COLEC12: variants seen among roughly 807,000 people sequenced by gnomAD.
The protein encoded by COLEC12 is collectin-12.
In COLEC12, 33 loss-of-function variants were observed where a neutral mutation model predicts 71.1. That is an observed-to-expected ratio of 0.46 (90% confidence interval 0.35 to 0.62). The LOEUF (loss-of-function observed/expected upper bound fraction) is 0.62, where lower values mean the gene tolerates loss of function less well. Ranked by LOEUF, COLEC12 falls within the 20% of genes least tolerant of loss-of-function variation. The probability of loss-of-function intolerance (pLI) is 0.00; values close to 1 mark genes in which losing one functional copy is unlikely to be tolerated. For missense variants in COLEC12, 765 were observed against 916.1 expected, an observed-to-expected ratio of 0.84 and a Z score of 2.13; for synonymous variants, 350 against 353.0, an observed-to-expected ratio of 0.99 and a Z score of 0.10.
Position 347,137 on chromosome 18 carries a change from AAAG to A in COLEC12, c.482_484del (p.Ser161del). 2 of 1,614,196 alleles carry A rather than the reference AAAG, an allele frequency of 1.2e-6. No homozygotes were observed. The highest frequency in any genetic ancestry group is 1.7e-6 in the Non-Finnish European group (2 of 1,180,040). On this transcript the variant is annotated inframe_deletion, in exon 5 of 10. Transcript: ENST00000400256. ...GGTTTTGTTTACAGTGGTGATGAGG[AAAG>A]AGTTATTCTCCAAAGTTTCTTTCAA...
intron 2 of COLEC12, among the ~76,000 whole-genome samples, chr18:367,925 CCAAAA>C (rs200573575): frequency 2.6e-5 from 4 of 151,904 alleles, no homozygotes; most frequent in Non-Finnish European, 4.4e-5. Context: ...GCTGTCTCTA[CCAAAA>C]CAAAACAAAA....
In COLEC12 at chr18:348,117, G is replaced by A. The variant is rs143313397; in HGVS notation, c.228C>T (p.Arg76=). The change falls in exon 4 of 10, where the codon CGC becomes CGT. Residue 76 remains arginine, a synonymous_variant. Transcript: ENST00000400256. The part of the protein sequence containing the change: ...DNVTGGMETS[R]QTYDDKLTAV... ...CTGTGAGCTTGTCATCATAGGTTTGGCGAGATGTTTCCATGCCACCTGTGA... is the reference window on the plus strand; with the variant it reads ...CTGTGAGCTTGTCATCATAGGTTTGACGAGATGTTTCCATGCCACCTGTGA... 2.1e-4 allele frequency: 335 copies of A among 1,613,740 alleles called. No homozygotes were observed. Among genetic ancestry groups the A allele is most frequent in the Non-Finnish European group, 2.7e-4 (319 of 1,179,858 alleles).
chr18:452,452 A>G (rs1040723812), intron 2 of COLEC12, among the ~76,000 whole-genome samples: 8 of 152,228 alleles, frequency 5.3e-5, no homozygotes, highest in African/African-American at 1.7e-4. Flanking sequence ...GTGGCTATAT[A>G]ATGATCGCTG....
Position 417,806 on chromosome 18 carries a change from C to G in COLEC12, c.59-60284G>C, listed in dbSNP as rs146348465. On this transcript the variant is annotated intron_variant, in intron 2 of 9. Coordinates refer to ENST00000400256, the MANE Select transcript of COLEC12 (RefSeq NM_130386.3). Reference sequence around the variant, plus strand: ...AGGAGAAATCGTAACAGTATTAGTTCTCCCTGGAGACGGACAAAATTGGAA... The same window carrying G: ...AGGAGAAATCGTAACAGTATTAGTTGTCCCTGGAGACGGACAAAATTGGAA... 4.7e-3 allele frequency among the ~76,000 whole-genome samples: 721 copies of G among 152,326 alleles called. 2 individuals are homozygous for G. Among genetic ancestry groups the G allele is most frequent in the Non-Finnish European group, 8.0e-3 (543 of 68,024 alleles).
chr18:370,964 T>A (rs1221926004), intron 2 of COLEC12, among the ~76,000 whole-genome samples: 1 of 152,184 alleles, frequency 6.6e-6, no homozygotes, highest in Non-Finnish European at 1.5e-5. Context: ...AAGGATTCAG[T>A]GATTCAGAAA....
At chr18:463,504 G>C (rs1917024214) in intron 2 of COLEC12, among the ~76,000 whole-genome samples, 1 of 152,158 alleles carries the variant, frequency 6.6e-6, no homozygotes, top group Admixed American at 6.5e-5. Context: ...TCAATGCAAT[G>C]AAAGGTGGCA....
rs1048301274 is a variant in COLEC12 at position 347,411 on chromosome 18, G to T, written c.281-70C>A. 3.9e-6 allele frequency: 5 copies of T among 1,298,500 alleles called. No homozygotes were observed. The South Asian group carries it at 6.6e-5, about 17-fold the overall frequency. 80.4% of individuals were successfully genotyped at this position (1,298,500 alleles called of 1,614,324 possible). ...GTGTTCAGGCAAGGCCAAAGATCCC[G>T]AACACACTTAATCGGTATGCACTGT... On this transcript the variant is annotated intron_variant, in intron 4 of 9. Coordinates refer to ENST00000400256, the MANE Select transcript of COLEC12 (RefSeq NM_130386.3).
chr18:423,941 T>C (rs568828272), intron 2 of COLEC12: 1 of 152,282 alleles, frequency 6.6e-6, no homozygotes, highest in East Asian at 1.9e-4. Context: ...ATGCCATCTC[T>C]CTCATCTCTC....
intron 2 of COLEC12, among the ~76,000 whole-genome samples, chr18:376,625 C>T (rs1210410389): frequency 6.6e-6 from 1 of 152,158 alleles, no homozygotes; most frequent in Non-Finnish European, 1.5e-5. Flanking sequence ...GCTTCTCTGT[C>T]CTTGGGGAGC....
chr18:395,470 C>T (rs1369287572), intron 2 of COLEC12, among the ~76,000 whole-genome samples: 3 of 152,148 alleles, frequency 2.0e-5, no homozygotes, highest in African/African-American at 7.2e-5. Context: ...AGCACTGGAC[C>T]TTTTGGAGTT....
At chr18:394,355 C>T (rs1915524055) in intron 2 of COLEC12, among the ~76,000 whole-genome samples, 2 of 152,186 alleles carry the variant, frequency 1.3e-5, no homozygotes, top group African/African-American at 4.8e-5. Flanking sequence ...TTTCTAACCC[C>T]AGAGGGGGCT....
At chr18:334,677 G>C in intron 6 of COLEC12, 65 bp downstream of exon 6, 1 of 1,357,826 alleles carries the variant, frequency 7.4e-7, no homozygotes, top group Non-Finnish European at 9.7e-7. Flanking sequence ...CACACTGGGG[G>C]TTGGCTCAGT....
At chr18:427,706 T>G (rs1047360985) in intron 2 of COLEC12, among the ~76,000 whole-genome samples, 1 of 152,194 alleles carries the variant, frequency 6.6e-6, no homozygotes, top group Non-Finnish European at 1.5e-5. Flanking sequence ...TCCTCAAATG[T>G]GCATTGAATT....
intron 1 of COLEC12, among the ~76,000 whole-genome samples, chr18:485,100 C>T (rs1395019827): frequency 6.6e-6 from 1 of 152,208 alleles, no homozygotes; most frequent in Non-Finnish European, 1.5e-5. Context: ...GACAAATAGC[C>T]TGATACAATG....
chr18:466,396 CCA>C (rs1266034884), intron 2 of COLEC12, among the ~76,000 whole-genome samples: 1 of 152,190 alleles, frequency 6.6e-6, no homozygotes, highest in Non-Finnish European at 1.5e-5. Flanking sequence ...CCCAACAGCT[CCA>C]GTTTGTCTCC....
chr18:379,013 G>A (rs1915173882), intron 2 of COLEC12, among the ~76,000 whole-genome samples: 1 of 152,168 alleles, frequency 6.6e-6, no homozygotes, highest in African/African-American at 2.4e-5. Context: ...GCACAGGGTG[G>A]TTTCTGGCAA....
chr18:371,990 G>T (rs1447683331), intron 2 of COLEC12, among the ~76,000 whole-genome samples: 3 of 152,152 alleles, frequency 2.0e-5, no homozygotes, highest in Non-Finnish European at 4.4e-5. Context: ...TTCCTGCAAA[G>T]GTTTTATATC....
At chr18:495,052 C>A (rs1006061057) in intron 1 of COLEC12, among the ~76,000 whole-genome samples, 11 of 152,212 alleles carry the variant, frequency 7.2e-5, no homozygotes, top group Admixed American at 1.3e-4. Flanking sequence ...TCTTTGGAAT[C>A]TTAATTTGGG....
At chr18:499,139 T>TCC (rs1917769403) in intron 1 of COLEC12, among the ~76,000 whole-genome samples, 1 of 152,150 alleles carries the variant, frequency 6.6e-6, no homozygotes, top group African/African-American at 2.4e-5. Context: ...CAGAGCCAGC[T>TCC]AAGGAATGTG....
Sources: gnomAD v4.1 joint callset for allele counts (sites outside exome capture counted in the v4.1 genomes callset) on GRCh38, gnomAD v4.1.1 for gene constraint, MANE v1.5 for transcripts, NCBI Gene and HGNC (gene_info 2026-07-23, HGNC 2026-07-21) for gene names.